DYNC2H1: variants seen among roughly 807,000 people sequenced by gnomAD.
DYNC2H1 encodes the protein cytoplasmic dynein 2 heavy chain 1.
DYNC2H1 carries 410 observed loss-of-function variants against 570.0 expected under a neutral mutation model. The ratio of observed to expected loss-of-function variants is 0.72; its 90% confidence interval spans 0.66 to 0.78. The LOEUF (loss-of-function observed/expected upper bound fraction) is 0.78. Ranked by LOEUF, DYNC2H1 falls within the 30% of genes least tolerant of loss-of-function variation. The probability of loss-of-function intolerance (pLI) is 0.00; values close to 1 mark genes in which losing one functional copy is unlikely to be tolerated. For synonymous variants in DYNC2H1, 1,688 were observed against 1,677.6 expected (o/e 1.01, Z -0.15); for missense variants, 4,865 against 5,046.4 (o/e 0.96, Z 1.09).
In DYNC2H1 at chr11:103,209,430, A is replaced by G. The variant is rs1363072008; in HGVS notation, c.8455-446A>G. Among the ~76,000 whole-genome samples the G allele has an allele frequency of 6.6e-6, 1 of 152,036 alleles. No individual in the cohort carries two copies. Among genetic ancestry groups the G allele is most frequent in the Admixed American group, 6.6e-5 (1 of 15,252 alleles). ...AATATACTTTTTAGAATGATCAGTT[A>G]TGAAATTATTGATTATAAAATTATT... On this transcript the variant is annotated intron_variant, in intron 52 of 88. Coordinates refer to ENST00000375735, the MANE Select transcript of DYNC2H1 (RefSeq NM_001377.3). The surrounding 1 kb of genome is among the most constrained non-coding windows in gnomAD (Gnocchi z 4.2).
intron 55 of DYNC2H1, among the ~76,000 whole-genome samples, chr11:103,217,108 T>A (rs941307277): frequency 6.6e-6 from 1 of 152,188 alleles, no homozygotes; most frequent in Non-Finnish European, 1.5e-5. Context: ...ACTAATCTAA[T>A]GCCTCTTTTA....
At chr11:103,323,389 C>G (rs899276284) in intron 81 of DYNC2H1, among the ~76,000 whole-genome samples, 2 of 131,562 alleles carry the variant, frequency 1.5e-5, no homozygotes, top group African/African-American at 5.1e-5. Flanking sequence ...TATTATAAAG[C>G]AATTTACAAA....
chr11:103,401,433 A>G (rs189224000), intron 84 of DYNC2H1, among the ~76,000 whole-genome samples: 1 of 152,314 alleles, frequency 6.6e-6, no homozygotes, highest in East Asian at 1.9e-4. Context: ...ACGGGTACAC[A>G]ATGAAGTATA....
At chr11:103,148,303 C>T (rs186315452) in intron 19 of DYNC2H1, among the ~76,000 whole-genome samples, 187 bp from the exon 20 acceptor site, 41 of 152,228 alleles carry the variant, frequency 2.7e-4, no homozygotes, top group Admixed American at 1.4e-3. Flanking sequence ...ACTAAACTTT[C>T]ATGGGAAGAA....
chr11:103,452,718 T>C (rs1296493227), intron 85 of DYNC2H1, among the ~76,000 whole-genome samples: 1 of 152,028 alleles, frequency 6.6e-6, no homozygotes, highest in Non-Finnish European at 1.5e-5. Context: ...GGAACTCTTA[T>C]GACATACTAT....
intron 32 of DYNC2H1, among the ~76,000 whole-genome samples, chr11:103,169,404 G>A (rs927228869): frequency 6.6e-6 from 1 of 152,120 alleles, no homozygotes; most frequent in Non-Finnish European, 1.5e-5. Context: ...CCTAGTTAAT[G>A]TAAACATGTT....
rs150972193 is a variant in DYNC2H1, at chr11:103,340,278, C to T, written c.12039+16288C>T. ...CTTGTCTAAAGTCAAATCTTAATTA[C>T]AAACATGTATTTTTTTTTCTTTGCA... On this transcript the variant is annotated intron_variant, in intron 82 of 88. Coordinates refer to ENST00000375735, the MANE Select transcript of DYNC2H1 (RefSeq NM_001377.3). 2.7e-3 allele frequency among the ~76,000 whole-genome samples: 406 copies of T among 152,178 alleles called. 3 individuals are homozygous for T. The highest frequency in any genetic ancestry group is 9.3e-3 in the African/African-American group (387 of 41,504).
At chr11:103,172,395 C>T (rs1357843638) in intron 34 of DYNC2H1, among the ~76,000 whole-genome samples, 3 of 152,078 alleles carry the variant, frequency 2.0e-5, no homozygotes, top group Non-Finnish European at 4.4e-5. Flanking sequence ...TAAACATAAT[C>T]ACATCTTTTT....
intron 11 of DYNC2H1, among the ~76,000 whole-genome samples, chr11:103,124,540 G>T (rs752199063): frequency 1.5e-4 from 23 of 150,652 alleles, no homozygotes; most frequent in Admixed American, 7.9e-4. Context: ...TTTAGTTCAA[G>T]CATTTTTACA....
In DYNC2H1 at chr11:103,461,867, T is replaced by TAA. The variant is rs1282668636; in HGVS notation, c.12648+5514_12648+5515dup. Among the ~76,000 whole-genome samples the TAA allele has an allele frequency of 3.9e-5, 6 of 152,318 alleles. No individual in the cohort carries two copies. Among genetic ancestry groups the TAA allele is most frequent in the African/African-American group, 1.4e-4 (6 of 41,586 alleles). On this transcript the variant is annotated intron_variant, in intron 87 of 88. Transcript: ENST00000375735. The surrounding 1 kb of genome is among the most constrained non-coding windows in gnomAD (Gnocchi z 4.8). ...TCCACCTTTTTCTCTTTTTTCTTGC[T>TAA]AAAACACATTTCAGACATCATTTTA...
At chr11:103,454,295 C>T (rs956961411) in intron 85 of DYNC2H1, among the ~76,000 whole-genome samples, 11 of 152,142 alleles carry the variant, frequency 7.2e-5, no homozygotes, top group African/African-American at 2.4e-4. Context: ...CGTTTTTAAT[C>T]GCTGACATTA....
intron 83 of DYNC2H1, among the ~76,000 whole-genome samples, chr11:103,399,137 C>CT (rs749787785): frequency 1.6e-5 from 2 of 125,526 alleles, no homozygotes; most frequent in African/African-American, 6.5e-5. Flanking sequence ...TTTCCCACAC[C>CT]GTTTTTTTTT....
rs1448016098 is a variant in DYNC2H1 at position 103,181,604 on chromosome 11, A to C, written c.6348-153A>C. Among the ~76,000 whole-genome samples the C allele has an allele frequency of 6.6e-6, 1 of 151,722 alleles. No individual in the cohort carries two copies. The highest frequency in any genetic ancestry group is 1.5e-5 in the Non-Finnish European group (1 of 67,754). On this transcript the variant is annotated intron_variant, in intron 39 of 88. Transcript: ENST00000375735. The surrounding 1 kb of genome is among the most constrained non-coding windows in gnomAD (Gnocchi z 5.0). ...ACACACAGATGTAATTGTATTATTC[A>C]CACATACTCATAGTAAAGTAACTAA... is the stretch of plus-strand genomic sequence containing the variant.
chr11:103,143,173 C>G (rs190691541), intron 17 of DYNC2H1, 95 bp from the exon 18 acceptor site: 2 of 1,314,902 alleles, frequency 1.5e-6, no homozygotes, highest in Admixed American at 4.3e-5. Context: ...ATATTTTCCT[C>G]TTTTTATTGG....
chr11:103,367,152 G>T (rs1251484351), intron 83 of DYNC2H1, among the ~76,000 whole-genome samples: 4 of 152,054 alleles, frequency 2.6e-5, no homozygotes, highest in Non-Finnish European at 4.4e-5. Context: ...ATGAGTTGTG[G>T]CTAAATGTTA....
intron 69 of DYNC2H1, 82 bp from the exon 70 acceptor site, chr11:103,259,806 T>C: frequency 9.7e-6 from 9 of 930,458 alleles, no homozygotes; most frequent in Non-Finnish European, 1.1e-5. Flanking sequence ...CAGAATCAGC[T>C]TTGAATCTGG....
intron 70 of DYNC2H1, among the ~76,000 whole-genome samples, chr11:103,265,598 ATT>A (rs1157207082): frequency 6.6e-6 from 1 of 152,144 alleles, no homozygotes; most frequent in East Asian, 1.9e-4. Context: ...CTTTCAATGT[ATT>A]CCTGTAGCTC....
chr11:103,316,665 T>C (rs1937863869), intron 80 of DYNC2H1, 45 bp downstream of exon 80: 1 of 1,351,084 alleles, frequency 7.4e-7, no homozygotes, highest in Non-Finnish European at 9.9e-7. Flanking sequence ...TAAAATATTT[T>C]ATCTGAGGTC....
chr11:103,390,829 C>G (rs1174727864), intron 83 of DYNC2H1, among the ~76,000 whole-genome samples: 1 of 152,222 alleles, frequency 6.6e-6, no homozygotes, highest in Non-Finnish European at 1.5e-5. Context: ...TTGGCCCCCA[C>G]TCTCTTCTGG....
Sources: gnomAD v4.1 joint callset for allele counts (sites outside exome capture counted in the v4.1 genomes callset) on GRCh38, gnomAD v4.1.1 for gene constraint, Gnocchi (gnomAD v3.1) non-coding constraint, MANE v1.5 for transcripts, NCBI Gene and HGNC (gene_info 2026-07-23, HGNC 2026-07-21) for gene names.